The following YES1 variants were observed in gnomAD, a reference collection of about 807,000 sequenced individuals.
The protein encoded by YES1 is tyrosine-protein kinase Yes.
In YES1, 39 loss-of-function variants were observed where a neutral mutation model predicts 70.4. The ratio of observed to expected loss-of-function variants is 0.55; its 90% CI spans 0.43 to 0.72. YES1 has a LOEUF of 0.72. YES1 is among the 30% of genes least tolerant of loss of function. YES1 has a pLI of 0.00. For synonymous variants in YES1, 198 were observed against 218.6 expected (o/e 0.91, Z 0.83); for missense variants, 495 against 644.8 (o/e 0.77, Z 2.52).
chr18:792,545 CT>C (rs1906307734), intron 1 of YES1, among the ~76,000 whole-genome samples: 6 of 128,582 alleles, frequency 4.7e-5, no homozygotes, highest in South Asian at 2.7e-4. Flanking sequence ...CTCTCTCTCT[CT>C]CTCTCTCTCC....
chr18:791,206 T>C (rs952584300), intron 1 of YES1, among the ~76,000 whole-genome samples: 6 of 144,668 alleles, frequency 4.1e-5, no homozygotes, highest in African/African-American at 1.6e-4. Flanking sequence ...GCCAAGATTG[T>C]GCCATTGCAC....
intron 1 of YES1, among the ~76,000 whole-genome samples, chr18:795,397 G>C (rs565137960): frequency 6.6e-6 from 1 of 152,218 alleles, no homozygotes; most frequent in Admixed American, 6.5e-5. Context: ...AATCTGGGTG[G>C]AGGGTATCCA....
chr18:796,692 A>C (rs2145826789), intron 1 of YES1, among the ~76,000 whole-genome samples: 1 of 152,250 alleles, frequency 6.6e-6, no homozygotes, highest in South Asian at 2.1e-4. Context: ...CGGGAGGTGG[A>C]GGTTACAGTG....
chr18:752,453 G>A (rs917597188), intron 2 of YES1, among the ~76,000 whole-genome samples: 2 of 152,076 alleles, frequency 1.3e-5, no homozygotes, highest in Non-Finnish European at 2.9e-5. Context: ...CTCAGGCTTG[G>A]AAATGCAGTC....
At chr18:758,079 T>C (rs1904386432) in intron 1 of YES1, among the ~76,000 whole-genome samples, 2 of 152,146 alleles carry the variant, frequency 1.3e-5, no homozygotes, top group Admixed American at 1.3e-4. Context: ...TAATTTTAAA[T>C]TTTCTAATTT....
intron 1 of YES1, among the ~76,000 whole-genome samples, chr18:806,510 A>G (rs1168308903): frequency 6.6e-6 from 1 of 152,232 alleles, no homozygotes; most frequent in Non-Finnish European, 1.5e-5. Context: ...TTGTTTGCGA[A>G]AAGTCCATAG....
intron 1 of YES1, among the ~76,000 whole-genome samples, chr18:777,289 T>C (rs1181077803): frequency 2.6e-5 from 4 of 152,348 alleles, no homozygotes; most frequent in South Asian, 4.1e-4. Flanking sequence ...TATAAAGACA[T>C]TCATTTAATT....
chr18:743,471 T>C (rs1029937836), intron 6 of YES1, 56 bp from the exon 7 acceptor site: 7 of 1,417,036 alleles, frequency 4.9e-6, no homozygotes, highest in Non-Finnish European at 6.7e-6. Flanking sequence ...AAGGGGCATA[T>C]AGTGTATCAA....
chr18:764,288 T>C (rs1904756934), intron 1 of YES1, among the ~76,000 whole-genome samples: 1 of 152,254 alleles, frequency 6.6e-6, no homozygotes, highest in Non-Finnish European at 1.5e-5. Flanking sequence ...AATGGTACAA[T>C]CCCGGCACAC....
intron 1 of YES1, among the ~76,000 whole-genome samples, chr18:762,479 G>C (rs904568419): frequency 6.6e-6 from 1 of 151,732 alleles, no homozygotes; most frequent in African/African-American, 2.4e-5. Context: ...TGCACCCCTT[G>C]AATCTAAAAT....
At position 770,468 on chromosome 18, in the gene YES1, T is replaced by C. The variant is rs1905103042; in HGVS notation, c.-8-13633A>G. The stretch of plus-strand genomic sequence containing the variant: ...AGTTTTACTCCATGTATGTTCATTC[T>C]AGAATTCAGCAAAAAGTCAGAGACT... On this transcript the variant is annotated intron_variant, in intron 1 of 11. Coordinates refer to ENST00000314574, the MANE Select transcript of YES1 (RefSeq NM_005433.4). Among the ~76,000 whole-genome samples the C allele has an allele frequency of 2.6e-5, 4 of 152,144 alleles. No homozygotes were observed. The South Asian group carries it at 8.3e-4, about 32-fold the overall frequency.
In YES1 at chr18:749,529, C is replaced by A. The variant is rs529238527; in HGVS notation, c.372-1511G>T. ...AACAAAAGCAAAACAAAAAAACCCC[C>A]TGAATTTCTAGAATAATGCATACTT... On this transcript the variant is annotated intron_variant, in intron 3 of 11. Transcript: ENST00000314574. Among the ~76,000 whole-genome samples the A allele has an allele frequency of 2.0e-5, 3 of 150,350 alleles. No homozygotes were observed. The East Asian group carries it at 6.0e-4, about 30-fold the overall frequency.
At chr18:784,029 C>T (rs557243445) in intron 1 of YES1, among the ~76,000 whole-genome samples, 55 of 152,206 alleles carry the variant, frequency 3.6e-4, no homozygotes, top group Non-Finnish European at 5.4e-4. Context: ...AGGCATAATA[C>T]GACGGAATTT....
chr18:810,086 G>A (rs558923816), intron 1 of YES1, among the ~76,000 whole-genome samples: 1 of 151,136 alleles, frequency 6.6e-6, no homozygotes, highest in South Asian at 2.1e-4. Context: ...TTTGGCATTA[G>A]TCTTCTTTCT....
In YES1 at chr18:728,072, G is replaced by A. The variant is rs1022541829; in HGVS notation, c.1424-3440C>T. On this transcript the variant is annotated intron_variant, in intron 11 of 11. Coordinates refer to ENST00000314574, the MANE Select transcript of YES1 (RefSeq NM_005433.4). ...ATTTATGAGCCAGGCACGGTGGCTCGCACCTGTAATCCCGGCACTTTGGGA... is the reference window on the plus strand; with the variant it reads ...ATTTATGAGCCAGGCACGGTGGCTCACACCTGTAATCCCGGCACTTTGGGA... Among the ~76,000 whole-genome samples, 10 of 152,182 alleles carry A rather than the reference G, an allele frequency of 6.6e-5. No individual in the cohort carries two copies. In the South Asian group the frequency reaches 1.2e-3, roughly 19 times the overall value.
chr18:798,024 A>T (rs1280356553), intron 1 of YES1: 1 of 152,238 alleles, frequency 6.6e-6, no homozygotes, highest in Non-Finnish European at 1.5e-5. Flanking sequence ...TCACTACTAC[A>T]AATTCTGCAT....
In YES1 at chr18:730,348, T is replaced by G. The variant is rs1179436643; in HGVS notation, c.1423+2486A>C. On this transcript the variant is annotated intron_variant, in intron 11 of 11. Transcript: ENST00000314574. ...CTGACCAAGGACCCAAGAGGATTTT[T>G]TTTTTTTTTTTTTTGAGACAGGGTC... Among the ~76,000 whole-genome samples the G allele has an allele frequency of 5.1e-4, 76 of 148,640 alleles. 1 individual carries two copies. Among genetic ancestry groups the G allele is most frequent in the African/African-American group, 1.5e-3 (57 of 38,720 alleles).
At chr18:804,239 C>G (rs1217405299) in intron 1 of YES1, among the ~76,000 whole-genome samples, 1 of 152,164 alleles carries the variant, frequency 6.6e-6, no homozygotes, top group Non-Finnish European at 1.5e-5. Context: ...ATTCAAATAG[C>G]CACGATTACT....
In YES1 at chr18:792,756, T is replaced by C. The variant is rs188548275; in HGVS notation, c.-9+19358A>G. 2.6e-3 allele frequency among the ~76,000 whole-genome samples: 393 copies of C among 150,848 alleles called. 1 individual carries two copies. Among genetic ancestry groups the C allele is most frequent in the Non-Finnish European group, 4.2e-3 (286 of 67,696 alleles). On this transcript the variant is annotated intron_variant, in intron 1 of 11. Coordinates refer to ENST00000314574, the MANE Select transcript of YES1 (RefSeq NM_005433.4). ...AGGGAGGATTGCTTGAGGCCAGGAG[T>C]TCAAGATCAGCCTGGGCAACATAGA... is the stretch of plus-strand genomic sequence containing the variant.
Sources: gnomAD v4.1 joint callset for allele counts (sites outside exome capture counted in the v4.1 genomes callset) on GRCh38, gnomAD v4.1.1 for gene constraint, MANE v1.5 for transcripts, NCBI Gene and HGNC (gene_info 2026-07-23, HGNC 2026-07-21) for gene names.